Variants in GEMIN5 observed in about 807,000 individuals in gnomAD.
GEMIN5 encodes gem nuclear organelle associated protein 5, also known as gem-associated protein 5.
GEMIN5 carries 124 observed loss-of-function variants against 176.9 expected under a neutral mutation model. That is an observed-to-expected ratio of 0.70 (90% CI 0.61 to 0.81). The LOEUF is 0.81. Ranked by LOEUF, GEMIN5 falls within the 40% of genes least tolerant of loss-of-function variation. The probability of loss-of-function intolerance (pLI) is 0.00; values close to 1 mark genes in which losing one functional copy is unlikely to be tolerated. For synonymous variants in GEMIN5, 673 were observed against 665.2 expected (o/e 1.01, Z -0.18); for missense variants, 1,843 against 1,814.6 (o/e 1.02, Z -0.28).
chr5:154,898,785 G>C, intron 22 of GEMIN5, 135 bp from the exon 23 acceptor site: 2 of 729,082 alleles, frequency 2.7e-6, no homozygotes, highest in Non-Finnish European at 4.6e-6. Flanking sequence ...CACTGCCCCG[G>C]TTGTTCCTGT....
At chr5:154,923,510 A>G (rs1763968662) in intron 9 of GEMIN5, among the ~76,000 whole-genome samples, 1 of 152,256 alleles carries the variant, frequency 6.6e-6, no homozygotes, top group Non-Finnish European at 1.5e-5. Context: ...CCCTGCCACA[A>G]CTACTCCACT....
At position 154,935,926 on chromosome 5, in the gene GEMIN5, T is replaced by A; in HGVS notation, c.424A>T (p.Asn142Tyr). The A allele has an allele frequency of 1.2e-6, 2 of 1,613,172 alleles. No individual in the cohort carries two copies. Among genetic ancestry groups the A allele is most frequent in the Non-Finnish European group, 1.7e-6 (2 of 1,179,152 alleles). Residue 142 changes from asparagine to tyrosine, a missense_variant, in exon 3 of 28, where the codon AAT becomes TAT. Asn to Tyr is a moderately radical substitution (Grantham distance 143). Coordinates refer to ENST00000285873, the MANE Select transcript of GEMIN5 (RefSeq NM_015465.5). Reference protein sequence around the residue: ...GVVFCYWFNRNDSQHLFIEPR... With the variant: ...GVVFCYWFNRYDSQHLFIEPR... Reference sequence around the variant, plus strand: ...TCTATAAAGAGGTGCTGGCTGTCATTTCTGTTAAACCAGTAACAGAAAACT... The same window carrying A: ...TCTATAAAGAGGTGCTGGCTGTCATATCTGTTAAACCAGTAACAGAAAACT...
At chr5:154,927,671 T>C in intron 6 of GEMIN5, 121 bp from the exon 7 acceptor site, 2 of 666,182 alleles carry the variant, frequency 3.0e-6, no homozygotes, top group South Asian at 4.6e-5. Context: ...GAGAGAAAAA[T>C]TGCATATGCT....
At chr5:154,926,472 C>T (rs1582673215) in intron 7 of GEMIN5, among the ~76,000 whole-genome samples, 1 of 152,190 alleles carries the variant, frequency 6.6e-6, no homozygotes, top group Non-Finnish European at 1.5e-5. Context: ...AACACCTTAT[C>T]ATACCCAGGG....
At chr5:154,927,623 T>C in intron 6 of GEMIN5, 73 bp from the exon 7 acceptor site, 1 of 1,136,728 alleles carries the variant, frequency 8.8e-7, no homozygotes, top group Non-Finnish European at 1.3e-6. Flanking sequence ...AGACAGAGTC[T>C]GGGCTCATAG....
intron 7 of GEMIN5, 52 bp from the exon 8 acceptor site, chr5:154,926,126 G>GAA: frequency 8.5e-7 from 1 of 1,177,862 alleles, no homozygotes; most frequent in African/African-American, 1.5e-5. Flanking sequence ...AGAGAAATAG[G>GAA]AAAAAAAACC....
At chr5:154,907,004 C>T (rs533165781) in intron 16 of GEMIN5, among the ~76,000 whole-genome samples, 40 of 152,272 alleles carry the variant, frequency 2.6e-4, no homozygotes, top group African/African-American at 9.6e-4. Flanking sequence ...AAAAAGAGTG[C>T]TAAAATTTTT....
At chr5:154,920,165 C>T (rs2113495121) in intron 10 of GEMIN5, 62 bp from the exon 11 acceptor site, 3 of 1,380,828 alleles carry the variant, frequency 2.2e-6, no homozygotes, top group East Asian at 4.6e-5. Flanking sequence ...CTATTTGTTG[C>T]TATAGTATGA....
intron 9 of GEMIN5, among the ~76,000 whole-genome samples, chr5:154,922,878 A>G (rs1459936119): frequency 6.6e-6 from 1 of 151,618 alleles, no homozygotes; most frequent in Non-Finnish European, 1.5e-5. Flanking sequence ...TTGTATTTTT[A>G]GTAGAGACGG....
rs1764186062 is a variant in GEMIN5 at position 154,932,315 on chromosome 5, T to C, written c.510-65A>G. The C allele has an allele frequency of 7.0e-6, 9 of 1,278,960 alleles. No homozygotes were observed. The South Asian group carries it at 1.2e-4, about 17-fold the overall frequency. The allele number at this position is 1,278,960 out of a possible 1,614,324, so 79.2% of individuals were successfully genotyped here. ...GACAGAACAGAGTCTCTAGTAAACATTTTGGCTTGGAGTTACCATTGGCGC... is the reference window on the plus strand; with the variant it reads ...GACAGAACAGAGTCTCTAGTAAACACTTTGGCTTGGAGTTACCATTGGCGC... On this transcript the variant is annotated intron_variant, in intron 3 of 27. Transcript: ENST00000285873.
intron 5 of GEMIN5, among the ~76,000 whole-genome samples, chr5:154,930,871 G>A (rs1293191480): frequency 6.6e-6 from 1 of 151,844 alleles, no homozygotes; most frequent in Non-Finnish European, 1.5e-5. Context: ...AAGAAGAGAA[G>A]CCCGCTAGAA....
chr5:154,902,237 C>T (rs1185027123), intron 20 of GEMIN5, among the ~76,000 whole-genome samples: 2 of 152,168 alleles, frequency 1.3e-5, no homozygotes, highest in Non-Finnish European at 2.9e-5. Context: ...CCTGCCTCAG[C>T]CTCCTGAGCA....
chr5:154,903,718 A>G (rs1393265713), intron 18 of GEMIN5, among the ~76,000 whole-genome samples: 1 of 152,074 alleles, frequency 6.6e-6, no homozygotes, highest in Non-Finnish European at 1.5e-5. Context: ...GATAGTGACT[A>G]CCCTTGTTAG....
chr5:154,891,850 GA>G, intron 25 of GEMIN5, 108 bp from the exon 26 acceptor site: 7 of 1,084,136 alleles, frequency 6.5e-6, no homozygotes, highest in Non-Finnish European at 8.0e-6. Flanking sequence ...CAGACCCCAG[GA>G]AAAAGGACAA....
chr5:154,922,497 G>T (rs1290360881), intron 9 of GEMIN5, among the ~76,000 whole-genome samples: 2 of 152,046 alleles, frequency 1.3e-5, no homozygotes, highest in Admixed American at 1.3e-4. Flanking sequence ...AGCAGTTCTG[G>T]CAAAATGCCT....
chr5:154,907,620 G>T lies in GEMIN5; in HGVS notation c.2366C>A (p.Pro789Gln), dbSNP rs199960786. Residue 789 changes from proline to glutamine, a missense_variant, in exon 16 of 28, where the codon CCG becomes CAG. Transcript: ENST00000285873. ...DQEGEEQARE[P>Q]ELPCGLAPAV... is the part of the protein sequence containing the mutation. Reference sequence around the variant, plus strand: ...TGGAGCAAGGCCACAGGGTAATTCCGGCTCCCGTGCTTGCTCCTCCCCTTC... The same window carrying T: ...TGGAGCAAGGCCACAGGGTAATTCCTGCTCCCGTGCTTGCTCCTCCCCTTC... 6.8e-6 allele frequency: 11 copies of T among 1,613,790 alleles called. No individual in the cohort carries two copies. The highest frequency in any genetic ancestry group is 9.3e-6 in the Non-Finnish European group (11 of 1,179,892).
chr5:154,926,134 A>C (rs1451637910), intron 7 of GEMIN5, 60 bp from the exon 8 acceptor site: 14 of 1,056,202 alleles, frequency 1.3e-5, no homozygotes, highest in East Asian at 4.8e-5. Flanking sequence ...AGGAAAAAAA[A>C]CCTGATATGT....
At chr5:154,921,212 G>A in intron 10 of GEMIN5, 131 bp downstream of exon 10, 1 of 621,040 alleles carries the variant, frequency 1.6e-6, no homozygotes, top group East Asian at 3.0e-5. Flanking sequence ...ATGAACCCCT[G>A]GGGACATAAG....
chr5:154,933,487 A>C (rs1764206750), intron 3 of GEMIN5, among the ~76,000 whole-genome samples: 1 of 152,246 alleles, frequency 6.6e-6, no homozygotes, highest in Non-Finnish European at 1.5e-5. Context: ...TTTACAACAA[A>C]AAAATGCTAT....
Sources: gnomAD v4.1 joint callset for allele counts (sites outside exome capture counted in the v4.1 genomes callset) on GRCh38, gnomAD v4.1.1 for gene constraint, MANE v1.5 for transcripts, NCBI Gene and HGNC (gene_info 2026-07-23, HGNC 2026-07-21) for gene names.